Variants in PVALB observed in about 807,000 individuals in gnomAD.
PVALB encodes the protein parvalbumin alpha.
A neutral mutation model predicts 10.9 loss-of-function variants in PVALB; 11 were observed. The ratio of observed to expected loss-of-function variants is 1.01; its 90% CI spans 0.63 to 1.67. The LOEUF is 1.67. PVALB is among the 40% of genes most tolerant of loss of function. The pLI is 0.00. For missense variants in PVALB, 131 were observed against 136.2 expected (o/e 0.96, Z 0.19); for synonymous variants, 57 against 50.7 (o/e 1.12, Z -0.53).
At chr22:36,806,475 C>T (rs909057733) in intron 3 of PVALB, among the ~76,000 whole-genome samples, 14 of 152,232 alleles carry the variant, frequency 9.2e-5, no homozygotes, top group African/African-American at 2.7e-4. Context: ...GAGAGCAACA[C>T]ACGCTGATGG....
chr22:36,815,444 G>A (rs1043450956), intron 1 of PVALB: 4 of 639,670 alleles, frequency 6.3e-6, no homozygotes, highest in Non-Finnish European at 1.0e-5. Flanking sequence ...GAAGAGGTGT[G>A]CTCAAACCCA....
chr22:36,805,576 C>T (rs1938936621), intron 3 of PVALB, among the ~76,000 whole-genome samples: 1 of 152,226 alleles, frequency 6.6e-6, no homozygotes, highest in Non-Finnish European at 1.5e-5. Context: ...CATCCAGCAA[C>T]CCTGGACCTA....
intron 3 of PVALB, among the ~76,000 whole-genome samples, chr22:36,803,709 A>ATGGATGGATGGG (rs1938907679): frequency 1.3e-5 from 1 of 79,086 alleles, no homozygotes; most frequent in African/African-American, 6.2e-5. Context: ...GGATGGATGG[A>ATGGATGGATGGG]TGGGTGGGTG....
At chr22:36,800,997 T>C in intron 3 of PVALB, 79 bp from the exon 4 acceptor site, 1 of 1,385,824 alleles carries the variant, frequency 7.2e-7, no homozygotes, top group Non-Finnish European at 1.0e-6. Flanking sequence ...TGCGGGGCCC[T>C]GGGTGGTGCT....
intron 3 of PVALB, 60 bp from the exon 4 acceptor site, chr22:36,800,978 A>G (rs1370070364): frequency 2.6e-6 from 4 of 1,533,410 alleles, no homozygotes; most frequent in Non-Finnish European, 3.6e-6. Context: ...GAGACTGTCC[A>G]CACCTGACTG....
At chr22:36,811,579 G>A (rs1939047203) in intron 3 of PVALB, 5 of 457,618 alleles carry the variant, frequency 1.1e-5, no homozygotes, top group Non-Finnish European at 2.3e-5. Context: ...GGGAGGGAGG[G>A]AGGGAGGCAG....
chr22:36,809,242 C>A (rs1365230480), intron 3 of PVALB, among the ~76,000 whole-genome samples: 2 of 152,194 alleles, frequency 1.3e-5, no homozygotes, highest in African/African-American at 4.8e-5. Context: ...CTGCCCAGAG[C>A]TGGGTACTTG....
At chr22:36,812,114 A>C (rs921945182) in intron 3 of PVALB, among the ~76,000 whole-genome samples, 15 of 152,188 alleles carry the variant, frequency 9.9e-5, no homozygotes, top group Non-Finnish European at 7.3e-5. Context: ...GGGTTCACAG[A>C]ATCTTAATTT....
rs867835145 is a variant in PVALB, at chr22:36,804,444, G to C, written c.305-3526C>G. On this transcript the variant is annotated intron_variant, in intron 3 of 3. Coordinates refer to ENST00000417718, the MANE Select transcript of PVALB (RefSeq NM_001315532.2). ...ACAGTAGCCACATGCGCTGGCCTTC[G>C]GCAGAGAACACGGAATTCTAATTTT... Among the ~76,000 whole-genome samples, 7 of 152,266 alleles carry C rather than the reference G, an allele frequency of 4.6e-5. No homozygotes were observed. The Middle Eastern group carries it at 0.014, about 296-fold the overall frequency.
intron 3 of PVALB, among the ~76,000 whole-genome samples, chr22:36,802,603 C>A (rs6000426): frequency 0.29 from 7,951 of 27,190 alleles, 1,171 homozygotes; most frequent in African/African-American, 0.47. Context: ...CCATCTCACA[C>A]AAAAAAAAAA....
At chr22:36,815,345 G>T in intron 1 of PVALB, 110 bp from the exon 2 acceptor site, 1 of 1,433,230 alleles carries the variant, frequency 7.0e-7, no homozygotes, top group Non-Finnish European at 9.7e-7. Context: ...TGCCAGTCAT[G>T]GGGAATGAGA....
intron 1 of PVALB, 187 bp from the exon 2 acceptor site, chr22:36,815,422 A>T (rs750941336): frequency 1.4e-4 from 103 of 756,598 alleles, no homozygotes; most frequent in Non-Finnish European, 2.0e-4. Flanking sequence ...CAAGGTCACA[A>T]GGCTGGGAGT....
chr22:36,816,816 C>T, intron 1 of PVALB, 129 bp downstream of exon 1: 1 of 750,350 alleles, frequency 1.3e-6, no homozygotes, highest in Non-Finnish European at 2.0e-6. Context: ...CCCGACCTCG[C>T]CGGCGCCCAG....
intron 2 of PVALB, among the ~76,000 whole-genome samples, chr22:36,814,244 G>A (rs1045137409): frequency 2.0e-5 from 3 of 150,252 alleles, no homozygotes; most frequent in African/African-American, 4.9e-5. Context: ...ATACCTGGAG[G>A]ACAGGGGGAA....
intron 3 of PVALB, among the ~76,000 whole-genome samples, chr22:36,812,604 G>A (rs9622489): frequency 0.14 from 21,978 of 152,244 alleles, 1,681 homozygotes; most frequent in South Asian, 0.18. Context: ...CAGAGGCTCA[G>A]AGTAGTTATC....
intron 3 of PVALB, among the ~76,000 whole-genome samples, chr22:36,812,584 G>A (rs892919717): frequency 1.3e-5 from 2 of 152,216 alleles, no homozygotes; most frequent in African/African-American, 4.8e-5. Context: ...TCAGTTCAGA[G>A]ATGAGAAAAC....
At chr22:36,804,951 C>A (rs1276345967) in intron 3 of PVALB, among the ~76,000 whole-genome samples, 1 of 151,994 alleles carries the variant, frequency 6.6e-6, no homozygotes, top group Non-Finnish European at 1.5e-5. Flanking sequence ...AACGAACAAA[C>A]AAACAAACAA....
upstream of PVALB, among the ~76,000 whole-genome samples, chr22:36,819,129 A>T (rs1347737824): frequency 6.6e-6 from 1 of 152,016 alleles, no homozygotes; most frequent in African/African-American, 2.4e-5. Flanking sequence ...GTCCTCTCTG[A>T]TGGCATCACC....
chr22:36,815,347 G>A (rs1045238017), intron 1 of PVALB, 112 bp from the exon 2 acceptor site: 1 of 1,416,584 alleles, frequency 7.1e-7, no homozygotes, highest in Non-Finnish European at 9.8e-7. Context: ...CCAGTCATGG[G>A]GAATGAGAGG....
Sources: gnomAD v4.1 joint callset for allele counts (sites outside exome capture counted in the v4.1 genomes callset) on GRCh38, gnomAD v4.1.1 for gene constraint, MANE v1.5 for transcripts, NCBI Gene and HGNC (gene_info 2026-07-23, HGNC 2026-07-21) for gene names.